Variants in PKM observed in about 807,000 individuals in gnomAD.
PKM encodes pyruvate kinase PKM.
In PKM, 18 loss-of-function variants were observed where a neutral mutation model predicts 49.8. The observed-to-expected ratio is 0.36, with a 90% CI of 0.25 to 0.54. PKM has a LOEUF of 0.54. Among genes scored for constraint, PKM ranks in the 20% least tolerant of loss-of-function variants. The pLI, the probability that PKM is intolerant of heterozygous loss-of-function variation, is 0.89. For synonymous variants in PKM, 239 were observed against 261.8 expected (o/e 0.91, Z 0.84); for missense variants, 508 against 713.8 (o/e 0.71, Z 3.28).
intron 8 of PKM, chr15:72,203,008 C>A: frequency 6.2e-7 from 1 of 1,613,398 alleles, no homozygotes. Flanking sequence ...TGTTACCTGC[C>A]CTTAGGGCCC....
Position 72,206,966 on chromosome 15 carries a change from T to G in PKM, c.988-86A>C, listed in dbSNP as rs904324887. 7 of 1,532,000 alleles carry G rather than the reference T, an allele frequency of 4.6e-6. No homozygotes were observed. In the South Asian group the frequency reaches 7.9e-5, roughly 17 times the overall value. 94.9% of individuals were successfully genotyped at this position (1,532,000 alleles called of 1,614,324 possible). On this transcript the variant is annotated intron_variant, in intron 7 of 10. Transcript: ENST00000335181. ...GCAAGCTGATCCTCTGGATAGTGAG[T>G]AGGTACACAGAGTATGGCTTTGTGT...
chr15:72,223,728 G>A (rs2082587884), intron 1 of PKM, among the ~76,000 whole-genome samples: 1 of 152,100 alleles, frequency 6.6e-6, no homozygotes, highest in African/African-American at 2.4e-5. Flanking sequence ...TATAGTTAAG[G>A]GTAATGACAA....
chr15:72,209,468 T>A, intron 5 of PKM: 1 of 348,904 alleles, frequency 2.9e-6, no homozygotes, highest in Non-Finnish European at 5.3e-6. Context: ...TGTATGTATG[T>A]TCCTGTGTTC....
At chr15:72,206,664 G>C (rs984754014) in intron 8 of PKM, 64 bp downstream of exon 8, 3 of 1,522,390 alleles carry the variant, frequency 2.0e-6, no homozygotes, top group South Asian at 1.1e-5. Context: ...CTCTGCACCA[G>C]AGCTTGCATC....
rs1245753661 is a variant in PKM at position 72,218,604 on chromosome 15, T to C, written c.154+340A>G. Among the ~76,000 whole-genome samples the C allele has an allele frequency of 2.1e-5, 3 of 144,540 alleles. No individual in the cohort carries two copies. The Admixed American group carries it at 2.1e-4, about 10-fold the overall frequency. 94.8% of individuals were successfully genotyped at this position (144,540 alleles called of 152,430 possible). A position where few individuals can be genotyped will look rare whatever the true frequency, so the allele number is the denominator to read the frequency against. Reference sequence around the variant, plus strand: ...CCAGCTAATTTTTTTTTTTTTTTTTTCACTTTTTGGAGAGACAGGGTCTAA... The same window carrying C: ...CCAGCTAATTTTTTTTTTTTTTTTTCCACTTTTTGGAGAGACAGGGTCTAA... On this transcript the variant is annotated intron_variant, in intron 2 of 10. Coordinates refer to ENST00000335181, the MANE Select transcript of PKM (RefSeq NM_002654.6).
At chr15:72,199,975 T>C (rs958615023) in intron 10 of PKM, among the ~76,000 whole-genome samples, 9 of 152,144 alleles carry the variant, frequency 5.9e-5, no homozygotes, top group Non-Finnish European at 1.3e-4. Context: ...TTGGACATCA[T>C]TCACTATCCT....
chr15:72,207,198 CCTT>C lies in PKM; in HGVS notation c.913_915del (p.Lys305del). 6.2e-7 allele frequency: 1 copy of C among 1,614,072 alleles called. No individual in the cohort carries two copies. Among genetic ancestry groups the C allele is most frequent in the Non-Finnish European group, 8.5e-7 (1 of 1,179,912 alleles). ...ATCATCATCTTCTGAGCAAGGAAGACCTTCTCTGCAGGAATCTCAATGCCTAGA... is the reference window on the plus strand; with the variant it reads ...ATCATCATCTTCTGAGCAAGGAAGACCTCTGCAGGAATCTCAATGCCTAGA... On this transcript the variant is annotated inframe_deletion, in exon 7 of 11. Coordinates refer to ENST00000335181, the MANE Select transcript of PKM (RefSeq NM_002654.6).
At chr15:72,227,775 C>CTAAAG in intron 1 of PKM, among the ~76,000 whole-genome samples, 1 of 43,464 alleles carries the variant, frequency 2.3e-5, no homozygotes, top group Non-Finnish European at 5.3e-5. Context: ...AAAAAAAAAA[C>CTAAAG]AAAAAACTGA....
rs565676251 is a variant in PKM at position 72,200,917 on chromosome 15, C to T, written c.1308-262G>A. The T allele has an allele frequency of 2.2e-6, 1 of 457,822 alleles. No individual in the cohort carries two copies. Among genetic ancestry groups the T allele is most frequent in the Non-Finnish European group, 4.0e-6 (1 of 252,166 alleles). 28.4% of individuals were successfully genotyped at this position (457,822 alleles called of 1,614,324 possible). ...CACCTTGACCCAGCAAGATCAGCCT[C>T]ACCCACTTACCCCACACAGCCCATG... is the stretch of plus-strand genomic sequence containing the variant. On this transcript the variant is annotated intron_variant, in intron 9 of 10. Coordinates refer to ENST00000335181, the MANE Select transcript of PKM (RefSeq NM_002654.6). The surrounding 1 kb of genome is among the most constrained non-coding windows in gnomAD (Gnocchi z 4.6).
rs897619160 is a variant in PKM at position 72,200,953 on chromosome 15, C to A, written c.1308-298G>T. The A allele has an allele frequency of 5.5e-6, 2 of 366,868 alleles. No homozygotes were observed. Among genetic ancestry groups the A allele is most frequent in the Non-Finnish European group, 1.0e-5 (2 of 196,750 alleles). 22.7% of individuals were successfully genotyped at this position (366,868 alleles called of 1,614,324 possible). On this transcript the variant is annotated intron_variant, in intron 9 of 10. Coordinates refer to ENST00000335181, the MANE Select transcript of PKM (RefSeq NM_002654.6). The surrounding 1 kb of genome is among the most constrained non-coding windows in gnomAD (Gnocchi z 4.6). ...CCCACACAGCCCATGGTTGGCAGAA[C>A]CCCTCCTACACCCTGAACTCTGACA...
rs1007622337 is a variant in PKM at position 72,202,879 on chromosome 15, G to T, written c.1141-259C>A. On this transcript the variant is annotated intron_variant, in intron 8 of 10. Coordinates refer to ENST00000335181, the MANE Select transcript of PKM (RefSeq NM_002654.6). The surrounding 1 kb of genome is among the most constrained non-coding windows in gnomAD (Gnocchi z 4.5). ...CCACAGGACCCTTTGGTCCTGCCCT[G>T]CCATGACCTCCCTGGCGGTGTTCCT... 1 of 909,382 alleles carries T rather than the reference G, an allele frequency of 1.1e-6. No homozygotes were observed. Among genetic ancestry groups the T allele is most frequent in the Non-Finnish European group, 1.8e-6 (1 of 562,840 alleles). The allele number at this position is 909,382 out of a possible 1,614,324, so 56.3% of individuals were successfully genotyped here.
At chr15:72,211,390 T>A (rs1457788644) in intron 3 of PKM, among the ~76,000 whole-genome samples, 4 of 152,174 alleles carry the variant, frequency 2.6e-5, no homozygotes, top group Admixed American at 2.6e-4. Flanking sequence ...AGATTCTGAT[T>A]GGAGGGGGAA....
chr15:72,223,305 G>A (rs2082576444), intron 1 of PKM, among the ~76,000 whole-genome samples: 2 of 152,242 alleles, frequency 1.3e-5, no homozygotes, highest in East Asian at 3.9e-4. Flanking sequence ...TGGCCCGTGA[G>A]TCTGCATCTG....
chr15:72,230,995 G>C (rs772334217), intron 1 of PKM, 121 bp downstream of exon 1: 2 of 1,275,136 alleles, frequency 1.6e-6, no homozygotes, highest in Non-Finnish European at 2.0e-6. Flanking sequence ...CATCCCAGAC[G>C]CCCTGGATCC....
intron 5 of PKM, chr15:72,209,399 A>ATATG (rs1303965417): frequency 1.4e-3 from 9 of 6,460 alleles, no homozygotes; most frequent in African/African-American, 2.4e-3. Flanking sequence ...CGAAACAAAT[A>ATATG]TATATATATA....
intron 3 of PKM, among the ~76,000 whole-genome samples, chr15:72,213,783 T>C (rs925888466): frequency 6.6e-6 from 1 of 152,240 alleles, no homozygotes; most frequent in African/African-American, 2.4e-5. Context: ...TTCTATCTTT[T>C]GGATATTTAT....
At chr15:72,213,809 A>T (rs1278571579) in intron 3 of PKM, among the ~76,000 whole-genome samples, 2 of 152,240 alleles carry the variant, frequency 1.3e-5, no homozygotes, top group Non-Finnish European at 2.9e-5. Flanking sequence ...CTTTGAAAAT[A>T]GCCAGAGTCA....
In PKM at chr15:72,202,880, C is replaced by A; in HGVS notation, c.1141-260G>T. On this transcript the variant is annotated intron_variant, in intron 8 of 10. Coordinates refer to ENST00000335181, the MANE Select transcript of PKM (RefSeq NM_002654.6). The surrounding 1 kb of genome is among the most constrained non-coding windows in gnomAD (Gnocchi z 4.5). ...CACAGGACCCTTTGGTCCTGCCCTG[C>A]CATGACCTCCCTGGCGGTGTTCCTA... 1 of 911,962 alleles carries A rather than the reference C, an allele frequency of 1.1e-6. No homozygotes were observed. Among genetic ancestry groups the A allele is most frequent in the Non-Finnish European group, 1.8e-6 (1 of 564,904 alleles). The allele number at this position is 911,962 out of a possible 1,614,324, so 56.5% of individuals were successfully genotyped here. A position where few individuals can be genotyped will look rare whatever the true frequency, so the allele number is the denominator to read the frequency against.
In PKM at chr15:72,219,117, C is replaced by T. The variant is rs146055630; in HGVS notation, c.-13-7G>A. The T allele has an allele frequency of 6.6e-4, 1,064 of 1,609,076 alleles. 5 individuals carry two copies. In the African/African-American group the frequency reaches 0.011, roughly 17 times the overall value. On this transcript the variant is annotated splice_polypyrimidine_tract_variant and splice_region_variant and intron_variant, in intron 1 of 10. Coordinates refer to ENST00000335181, the MANE Select transcript of PKM (RefSeq NM_002654.6). ...CGACATGGCTGCTGAGGTCCTGGGT[C>T]GAGACAAATTGAAAGAGAGTGGTAA...
Sources: gnomAD v4.1 joint callset for allele counts (sites outside exome capture counted in the v4.1 genomes callset) on GRCh38, gnomAD v4.1.1 for gene constraint, Gnocchi (gnomAD v3.1) non-coding constraint, MANE v1.5 for transcripts, NCBI Gene and HGNC (gene_info 2026-07-23, HGNC 2026-07-21) for gene names.